FUBP1: variants seen among roughly 807,000 people sequenced by gnomAD.
The protein encoded by FUBP1 is far upstream element-binding protein 1.
A neutral mutation model predicts 94.9 loss-of-function variants in FUBP1; 16 were observed. That is an observed-to-expected ratio of 0.17 (90% CI 0.11 to 0.26). The LOEUF (loss-of-function observed/expected upper bound fraction) is 0.26, where lower values mean the gene tolerates loss of function less well. Ranked by LOEUF, FUBP1 falls within the 10% of genes least tolerant of loss-of-function variation. FUBP1 has a pLI of 1.00. For synonymous variants in FUBP1, 279 were observed against 254.9 expected, an observed-to-expected ratio of 1.09 and a Z score of -0.90; for missense variants, 583 against 808.6, an observed-to-expected ratio of 0.72 and a Z score of 3.38.
At position 77,960,404 on chromosome 1, in the gene FUBP1, G is replaced by A; in HGVS notation, c.1436C>T (p.Thr479Ile). 1 of 1,595,448 alleles carries A rather than the reference G, an allele frequency of 6.3e-7. No individual in the cohort carries two copies. Among genetic ancestry groups the A allele is most frequent in the Non-Finnish European group, 8.5e-7 (1 of 1,175,720 alleles). Residue 479 changes from threonine (T) to isoleucine (I), a missense_variant, in exon 15 of 20, where the codon ACT (threonine) becomes ATT (isoleucine). Coordinates refer to ENST00000370768, the MANE Select transcript of FUBP1 (RefSeq NM_003902.5). ...TGCAGGGTTGTATGGTCCCATTGGA[G>A]TTCCAGGCCCTGGAGGCCCAGGAGG... ...HGPPGPPGPG[T>I]PMGPYNPAPY...
chr1:77,974,411 C>T (rs892731914), intron 1 of FUBP1, among the ~76,000 whole-genome samples: 2 of 152,092 alleles, frequency 1.3e-5, no homozygotes, highest in South Asian at 4.1e-4. Flanking sequence ...AGATTACAGG[C>T]GTGAGCCACC....
At chr1:77,961,655 G>C (rs534770448) in intron 14 of FUBP1, among the ~76,000 whole-genome samples, 1 of 152,160 alleles carries the variant, frequency 6.6e-6, no homozygotes, top group Non-Finnish European at 1.5e-5. Flanking sequence ...GAGGCAACCC[G>C]ACTACAGAGT....
At chr1:77,976,950 C>T (rs568721239) in intron 1 of FUBP1, among the ~76,000 whole-genome samples, 2 of 152,286 alleles carry the variant, frequency 1.3e-5, no homozygotes, top group South Asian at 4.1e-4. Flanking sequence ...CACACCTCTG[C>T]GCATGCTGCT....
At chr1:77,952,801 C>T (rs1024921562) in intron 18 of FUBP1, among the ~76,000 whole-genome samples, 1 of 152,206 alleles carries the variant, frequency 6.6e-6, no homozygotes, top group Non-Finnish European at 1.5e-5. Flanking sequence ...GACAAATGCT[C>T]ATCAAGCACC....
rs535201023 is a variant in FUBP1, at chr1:77,969,491, G to A, written c.211+434C>T. ...ATGGTATAACCTGCAACACACTAGA[G>A]TAGCAAACTATAGGAATTTCAACCT... On this transcript the variant is annotated intron_variant, in intron 2 of 19. Coordinates refer to ENST00000370768, the MANE Select transcript of FUBP1 (RefSeq NM_003902.5). 3.3e-5 allele frequency among the ~76,000 whole-genome samples: 5 copies of A among 151,948 alleles called. No homozygotes were observed. In the East Asian group the frequency reaches 9.7e-4, roughly 29 times the overall value.
rs114987943 is a variant in FUBP1 at position 77,978,494 on chromosome 1, T to C, written c.120+391A>G. Among the ~76,000 whole-genome samples, 447 of 152,372 alleles carry C rather than the reference T, an allele frequency of 2.9e-3. 6 individuals are homozygous for C. Among genetic ancestry groups the C allele is most frequent in the African/African-American group, 0.01 (422 of 41,590 alleles). On this transcript the variant is annotated intron_variant, in intron 1 of 19. Transcript: ENST00000370768. ...TAATGATAAATCCCTTCCCTTGCTA[T>C]GGCTCCAGGACAGACCCTAGTTCTT... is the stretch of plus-strand genomic sequence containing the variant.
At chr1:77,972,917 C>G (rs1383849077) in intron 1 of FUBP1, among the ~76,000 whole-genome samples, 2 of 151,498 alleles carry the variant, frequency 1.3e-5, no homozygotes, top group Non-Finnish European at 2.9e-5. Context: ...AAGCCAGGCT[C>G]AGTGGCACCT....
At chr1:77,952,498 G>A (rs1459296897) in intron 18 of FUBP1, among the ~76,000 whole-genome samples, 1 of 151,892 alleles carries the variant, frequency 6.6e-6, no homozygotes, top group East Asian at 1.9e-4. Context: ...TTTGGCAAAA[G>A]GGGCACTAGG....
rs115761853 is a variant in FUBP1, at chr1:77,973,812, G to T, written c.121-3797C>A. Among the ~76,000 whole-genome samples the T allele has an allele frequency of 6.2e-3, 942 of 152,246 alleles. 10 individuals are homozygous for T. The highest frequency in any genetic ancestry group is 0.021 in the African/African-American group (886 of 41,524). On this transcript the variant is annotated intron_variant, in intron 1 of 19. Coordinates refer to ENST00000370768, the MANE Select transcript of FUBP1 (RefSeq NM_003902.5). ...CAATCAGATATTCTGGGGTAGGGGA[G>T]GGTCCCCTCATTCATATAACTTATT...
intron 1 of FUBP1, among the ~76,000 whole-genome samples, chr1:77,974,987 C>G (rs1172628177): frequency 6.6e-6 from 1 of 152,204 alleles, no homozygotes; most frequent in African/African-American, 2.4e-5. Flanking sequence ...ATATAACCTA[C>G]GCAAATCCTT....
intron 7 of FUBP1, among the ~76,000 whole-genome samples, chr1:77,965,856 G>A (rs1412942447): frequency 1.3e-5 from 2 of 152,170 alleles, no homozygotes; most frequent in African/African-American, 4.8e-5. Context: ...AGACCATCCC[G>A]GCCAACATGG....
intron 4 of FUBP1, 60 bp from the exon 5 acceptor site, chr1:77,967,161 A>G: frequency 9.2e-7 from 1 of 1,082,098 alleles, no homozygotes; most frequent in Non-Finnish European, 1.4e-6. Context: ...TTACAAATAA[A>G]AGATAATCTA....
intron 10 of FUBP1, 52 bp from the exon 11 acceptor site, chr1:77,964,408 G>GT (rs1656088869): frequency 9.0e-7 from 1 of 1,110,262 alleles, no homozygotes; most frequent in East Asian, 2.4e-5. Context: ...AGGGTTTAAA[G>GT]TAAAAAAAAG....
intron 1 of FUBP1, among the ~76,000 whole-genome samples, chr1:77,977,959 C>T (rs1659012138): frequency 2.0e-5 from 3 of 152,190 alleles, no homozygotes; most frequent in African/African-American, 7.2e-5. Context: ...ACACTGGTTT[C>T]TAATTATCAT....
At chr1:77,963,413 G>A (rs1655885231) in intron 13 of FUBP1, among the ~76,000 whole-genome samples, 161 bp downstream of exon 13, 1 of 152,072 alleles carries the variant, frequency 6.6e-6, no homozygotes, top group Non-Finnish European at 1.5e-5. Flanking sequence ...ATATACATGA[G>A]ATCCCTCATT....
chr1:77,962,696 A>C, intron 14 of FUBP1, 74 bp downstream of exon 14: 2 of 882,966 alleles, frequency 2.3e-6, no homozygotes, highest in Admixed American at 2.5e-5. Flanking sequence ...CCTTTGATGT[A>C]TTTGAATAAA....
chr1:77,967,521 C>T (rs1656730444), intron 4 of FUBP1, 106 bp downstream of exon 4: 4 of 844,002 alleles, frequency 4.7e-6, no homozygotes, highest in Non-Finnish European at 7.7e-6. Context: ...CTAGGTACAC[C>T]AAAAAATACA....
chr1:77,967,714 T>A, intron 3 of FUBP1, 48 bp from the exon 4 acceptor site: 1 of 1,102,710 alleles, frequency 9.1e-7, no homozygotes, highest in Non-Finnish European at 1.3e-6. Context: ...AAATTTAAAT[T>A]TACTTATATA....
At chr1:77,963,427 G>A in intron 13 of FUBP1, 147 bp downstream of exon 13, 1 of 519,702 alleles carries the variant, frequency 1.9e-6, no homozygotes, top group South Asian at 3.3e-5. Flanking sequence ...CCTCATTTAT[G>A]TTTTACTTGT....
Sources: allele counts gnomAD v4.1 joint callset (sites outside exome capture counted in the v4.1 genomes callset), GRCh38; gene constraint gnomAD v4.1.1; transcripts MANE v1.5; gene names NCBI Gene and HGNC (gene_info 2026-07-23, HGNC 2026-07-21).